LMNTD1: variants seen among roughly 807,000 people sequenced by gnomAD.
LMNTD1 encodes lamin tail domain-containing protein 1.
In LMNTD1, 35 loss-of-function variants were observed where a neutral mutation model predicts 50.9. The observed-to-expected ratio is 0.69, with a 90% CI of 0.53 to 0.91. LMNTD1 has a LOEUF of 0.91. Ranked by LOEUF, LMNTD1 falls within the 40% of genes least tolerant of loss-of-function variation. The probability of loss-of-function intolerance (pLI) is 0.00; values close to 1 mark genes in which losing one functional copy is unlikely to be tolerated. For synonymous variants in LMNTD1, 153 were observed against 161.9 expected (o/e 0.94, Z 0.42); for missense variants, 470 against 475.5 (o/e 0.99, Z 0.11).
intron 2 of LMNTD1, among the ~76,000 whole-genome samples, chr12:25,551,905 AATTG>A (rs1943766694): frequency 6.6e-6 from 1 of 152,206 alleles, no homozygotes; most frequent in South Asian, 2.1e-4. Flanking sequence ...CTCCCTCCGT[AATTG>A]ATTAACATTA....
intron 1 of LMNTD1, among the ~76,000 whole-genome samples, chr12:25,562,448 A>T (rs1944372808): frequency 6.6e-6 from 1 of 152,198 alleles, no homozygotes; most frequent in Non-Finnish European, 1.5e-5. Flanking sequence ...TCCTTTAAGA[A>T]TGTTGAATAT....
intron 1 of LMNTD1, among the ~76,000 whole-genome samples, chr12:25,618,749 A>T (rs968430138): frequency 6.6e-6 from 1 of 152,234 alleles, no homozygotes; most frequent in Non-Finnish European, 1.5e-5. Flanking sequence ...TGACTTCAAG[A>T]CCAAACCAAC....
chr12:25,584,425 A>T (rs1382857), intron 1 of LMNTD1, among the ~76,000 whole-genome samples: 2 of 151,926 alleles, frequency 1.3e-5, no homozygotes, highest in East Asian at 3.9e-4. Flanking sequence ...ACATACCTTT[A>T]GTTTTTGGTC....
intron 2 of LMNTD1, among the ~76,000 whole-genome samples, chr12:25,550,137 AG>A (rs1344852955): frequency 6.6e-6 from 1 of 152,200 alleles, no homozygotes; most frequent in Non-Finnish European, 1.5e-5. Context: ...AGGGAATGAC[AG>A]AATAGAGGGA....
At chr12:25,512,338 G>A (rs1055251108) in intron 8 of LMNTD1, among the ~76,000 whole-genome samples, 1 of 152,156 alleles carries the variant, frequency 6.6e-6, no homozygotes, top group African/African-American at 2.4e-5. Flanking sequence ...CCTAGTTCAT[G>A]GATGTTGCTT....
At chr12:25,483,493 T>C (rs916060854) in intron 9 of LMNTD1, among the ~76,000 whole-genome samples, 2 of 151,820 alleles carry the variant, frequency 1.3e-5, no homozygotes, top group Non-Finnish European at 2.9e-5. Flanking sequence ...GTAGTTAGGC[T>C]GGGCATGGTG....
At chr12:25,621,184 G>A (rs180916773) in intron 1 of LMNTD1, among the ~76,000 whole-genome samples, 46 of 152,234 alleles carry the variant, frequency 3.0e-4, no homozygotes, top group Admixed American at 7.8e-4. Context: ...ACTAATAACC[G>A]CATCTATTAA....
At chr12:25,568,714 G>T (rs1177367401) in intron 1 of LMNTD1, among the ~76,000 whole-genome samples, 1 of 152,164 alleles carries the variant, frequency 6.6e-6, no homozygotes, top group Admixed American at 6.5e-5. Context: ...GGCTCAAAGT[G>T]CCCCAGATAC....
chr12:25,576,898 C>G (rs1945043457), intron 1 of LMNTD1, among the ~76,000 whole-genome samples: 1 of 152,070 alleles, frequency 6.6e-6, no homozygotes, highest in Non-Finnish European at 1.5e-5. Context: ...CCAGTTTCAG[C>G]TTTCTACATA....
intron 1 of LMNTD1, among the ~76,000 whole-genome samples, chr12:25,637,947 T>C (rs1395255031): frequency 6.6e-6 from 1 of 151,894 alleles, no homozygotes; most frequent in Non-Finnish European, 1.5e-5. Context: ...TATGCAAAAA[T>C]GCTCAACAAA....
At chr12:25,608,085 G>A (rs1328225475) in intron 1 of LMNTD1, among the ~76,000 whole-genome samples, 1 of 152,104 alleles carries the variant, frequency 6.6e-6, no homozygotes, top group Admixed American at 6.6e-5. Context: ...TTACCATTAT[G>A]TAATGGCCTT....
intron 9 of LMNTD1, among the ~76,000 whole-genome samples, chr12:25,477,142 C>A (rs1210622469): frequency 1.3e-5 from 2 of 152,182 alleles, no homozygotes; most frequent in Non-Finnish European, 2.9e-5. Flanking sequence ...TGAGAGGAAA[C>A]TGACAGCTTT....
chr12:25,498,355 T>C (rs10842571), intron 9 of LMNTD1, among the ~76,000 whole-genome samples: 39,809 of 152,006 alleles, frequency 0.26, 5,462 homozygotes, highest in Middle Eastern at 0.34. Flanking sequence ...AGGTGAGACT[T>C]TTTTGGCAAA....
intron 1 of LMNTD1, among the ~76,000 whole-genome samples, chr12:25,589,971 A>G (rs1565506787): frequency 6.6e-5 from 10 of 152,200 alleles, no homozygotes; most frequent in Admixed American, 5.9e-4. Flanking sequence ...TTACAAACCC[A>G]GAGAAGGGGC....
intron 1 of LMNTD1, among the ~76,000 whole-genome samples, chr12:25,618,114 T>G (rs1946385777): frequency 6.6e-6 from 1 of 152,130 alleles, no homozygotes; most frequent in Non-Finnish European, 1.5e-5. Context: ...TCCCCAAAAT[T>G]TAAAAACTGC....
chr12:25,566,698 C>G (rs1407233206), intron 1 of LMNTD1, among the ~76,000 whole-genome samples: 1 of 152,182 alleles, frequency 6.6e-6, no homozygotes, highest in African/African-American at 2.4e-5. Context: ...CCCTGGTAAC[C>G]ATGCATATAA....
chr12:25,626,341 T>TATACAC (rs71661257), intron 1 of LMNTD1, among the ~76,000 whole-genome samples: 7 of 150,422 alleles, frequency 4.7e-5, no homozygotes, highest in African/African-American at 1.2e-4. Flanking sequence ...TATATATATA[T>TATACAC]ACACACACAC....
At chr12:25,609,347 G>T (rs560950808) in intron 1 of LMNTD1, among the ~76,000 whole-genome samples, 30 of 152,198 alleles carry the variant, frequency 2.0e-4, no homozygotes, top group Admixed American at 1.8e-3. Flanking sequence ...GTCATTCTCC[G>T]TCCAGCTTTG....
chr12:25,508,399 T>C (rs915853402), intron 8 of LMNTD1, among the ~76,000 whole-genome samples: 3 of 152,202 alleles, frequency 2.0e-5, no homozygotes, highest in Non-Finnish European at 4.4e-5. Flanking sequence ...CCTTTTTGTC[T>C]GACATTTCTT....
Sources: gnomAD v4.1 joint callset for allele counts (sites outside exome capture counted in the v4.1 genomes callset) on GRCh38, gnomAD v4.1.1 for gene constraint, MANE v1.5 for transcripts, NCBI Gene and HGNC (gene_info 2026-07-23, HGNC 2026-07-21) for gene names.